Variants in TEK observed in about 807,000 individuals in gnomAD.
TEK encodes the protein TEK receptor tyrosine kinase.
TEK carries 43 observed loss-of-function variants against 131.8 expected under a neutral mutation model. That is an observed-to-expected ratio of 0.33 (90% CI 0.26 to 0.42). The LOEUF (loss-of-function observed/expected upper bound fraction) is 0.42. Among genes scored for constraint, TEK ranks in the 10% least tolerant of loss-of-function variants. TEK has a pLI of 1.00. For synonymous variants in TEK, 580 were observed against 491.6 expected, an observed-to-expected ratio of 1.18 and a Z score of -2.38; for missense variants, 1,162 against 1,384.4, an observed-to-expected ratio of 0.84 and a Z score of 2.55.
chr9:27,159,032 G>A (rs1399554499), intron 2 of TEK, among the ~76,000 whole-genome samples: 3 of 152,172 alleles, frequency 2.0e-5, no homozygotes, highest in Admixed American at 2.0e-4. Flanking sequence ...ACAATAATGA[G>A]CATTTATAGC....
intron 9 of TEK, among the ~76,000 whole-genome samples, chr9:27,189,368 A>G (rs1824722463): frequency 1.3e-5 from 2 of 152,150 alleles, no homozygotes; most frequent in Non-Finnish European, 2.9e-5. Context: ...ATAAGATTTT[A>G]TTATCACAGA....
intron 1 of TEK, among the ~76,000 whole-genome samples, chr9:27,119,573 G>A (rs1030239772): frequency 3.3e-5 from 5 of 152,124 alleles, no homozygotes; most frequent in African/African-American, 1.2e-4. Flanking sequence ...GCTTACACCT[G>A]TGGGTTCTTG....
intron 13 of TEK, among the ~76,000 whole-genome samples, chr9:27,204,177 T>C (rs1413828): frequency 0.25 from 38,673 of 152,114 alleles, 5,126 homozygotes; most frequent in Admixed American, 0.33. Context: ...TCTGTATCTG[T>C]ACATATATAG....
chr9:27,164,255 A>C (rs147812219), intron 2 of TEK, among the ~76,000 whole-genome samples: 3 of 151,798 alleles, frequency 2.0e-5, no homozygotes, highest in Non-Finnish European at 4.4e-5. Flanking sequence ...ATAAAAAGTA[A>C]TTTTTATTTA....
At chr9:27,213,389 T>C (rs1420596501) in intron 17 of TEK, 95 bp from the exon 18 acceptor site, 8 of 911,216 alleles carry the variant, frequency 8.8e-6, no homozygotes, top group East Asian at 5.3e-5. Flanking sequence ...TTTAAAATCC[T>C]TTTTTATACT....
chr9:27,222,016 T>C (rs1826104704), intron 21 of TEK, among the ~76,000 whole-genome samples: 1 of 152,144 alleles, frequency 6.6e-6, no homozygotes, highest in Admixed American at 6.5e-5. Context: ...GAATTGCAAC[T>C]AGAATAACCA....
chr9:27,184,005 A>C (rs1233703637), intron 8 of TEK, among the ~76,000 whole-genome samples: 3 of 152,300 alleles, frequency 2.0e-5, no homozygotes, highest in Admixed American at 6.5e-5. Context: ...CCCATGAATC[A>C]GCAGATTTAC....
chr9:27,183,103 AAG>A (rs1336066668), intron 7 of TEK, among the ~76,000 whole-genome samples: 2 of 152,208 alleles, frequency 1.3e-5, no homozygotes, highest in African/African-American at 2.4e-5. Context: ...TGTAAAAAGA[AAG>A]AGGGGGATTG....
intron 1 of TEK, among the ~76,000 whole-genome samples, chr9:27,126,004 T>A (rs1821974558): frequency 6.6e-6 from 1 of 152,140 alleles, no homozygotes. Context: ...TTTGTTGGGG[T>A]CACAGCTAGA....
chr9:27,226,512 A>AT lies in TEK; in HGVS notation c.3201-1693dup, dbSNP rs1258005576. On this transcript the variant is annotated intron_variant, in intron 21 of 22. Transcript: ENST00000380036. ...GACCAAACATTGCATGTTCTCACTC[A>AT]TAAGTTGGAGTTTAAGGATGAGAAC... Among the ~76,000 whole-genome samples, 3 of 152,252 alleles carry AT rather than the reference A, an allele frequency of 2.0e-5. No individual in the cohort carries two copies. In the East Asian group the frequency reaches 5.8e-4, roughly 29 times the overall value.
intron 21 of TEK, 124 bp downstream of exon 21, chr9:27,220,269 C>T (rs1039133072): frequency 2.7e-5 from 21 of 791,562 alleles, no homozygotes; most frequent in Non-Finnish European, 4.4e-5. Flanking sequence ...ACAGAGATCC[C>T]AAATAGGAAC....
intron 1 of TEK, among the ~76,000 whole-genome samples, chr9:27,133,082 A>C (rs928193333): frequency 2.6e-5 from 4 of 152,250 alleles, no homozygotes; most frequent in Admixed American, 6.5e-5. Context: ...GAACTAATCC[A>C]GGTCTTCCGA....
chr9:27,173,381 C>G lies in TEK; in HGVS notation c.901+19C>G, dbSNP rs1291237636. On this transcript the variant is annotated intron_variant, in intron 6 of 22. Transcript: ENST00000380036. Reference sequence around the variant, plus strand: ...AATGAAGGTATGCACCAATCACACCCTTGGACAGAGGATGTTCTAGCAGGT... The same window carrying G: ...AATGAAGGTATGCACCAATCACACCGTTGGACAGAGGATGTTCTAGCAGGT... The G allele has an allele frequency of 6.8e-6, 11 of 1,613,644 alleles. No individual in the cohort carries two copies. Among genetic ancestry groups the G allele is most frequent in the African/African-American group, 2.7e-5 (2 of 75,008 alleles).
At chr9:27,120,107 G>A (rs1400407588) in intron 1 of TEK, among the ~76,000 whole-genome samples, 2 of 152,088 alleles carry the variant, frequency 1.3e-5, no homozygotes, top group Non-Finnish European at 2.9e-5. Flanking sequence ...CTTCAGAATC[G>A]AAGAAGACGG....
At chr9:27,157,731 C>A (rs1823386990) in intron 1 of TEK, 100 bp from the exon 2 acceptor site, 7 of 1,356,430 alleles carry the variant, frequency 5.2e-6, no homozygotes, top group Non-Finnish European at 7.4e-6. Context: ...TAGAAAGAAT[C>A]CTCACACAAC....
intron 1 of TEK, among the ~76,000 whole-genome samples, chr9:27,112,566 A>T (rs950258478): frequency 9.9e-5 from 15 of 152,176 alleles, no homozygotes; most frequent in Admixed American, 2.0e-4. Flanking sequence ...GGAGTCTTCT[A>T]AGTTCATCTC....
chr9:27,168,434 A>G (rs1823820509), intron 2 of TEK, 61 bp from the exon 3 acceptor site: 1 of 1,336,586 alleles, frequency 7.5e-7, no homozygotes, highest in Admixed American at 1.7e-5. Context: ...CTCAAAGCTC[A>G]ATTGCTCCTG....
chr9:27,197,657 G>C, intron 12 of TEK, 58 bp downstream of exon 12: 1 of 1,603,794 alleles, frequency 6.2e-7, no homozygotes, highest in Non-Finnish European at 8.5e-7. Flanking sequence ...CCGCCATGCA[G>C]ACTTAGCTAA....
At chr9:27,185,181 C>A (rs1047411966) in intron 8 of TEK, among the ~76,000 whole-genome samples, 2 of 152,110 alleles carry the variant, frequency 1.3e-5, no homozygotes, top group Non-Finnish European at 2.9e-5. Flanking sequence ...AGGAAAGGAA[C>A]AAATCTTATG....
Sources: allele counts gnomAD v4.1 joint callset (sites outside exome capture counted in the v4.1 genomes callset), GRCh38; gene constraint gnomAD v4.1.1; transcripts MANE v1.5; gene names NCBI Gene and HGNC (gene_info 2026-07-23, HGNC 2026-07-21).